The following LEKR1 variants were observed in gnomAD, a reference collection of about 807,000 sequenced individuals.
LEKR1 encodes the protein protein LEKR1.
Under a neutral mutation model 72.4 loss-of-function variants are expected in LEKR1, and 59 were observed. The observed-to-expected ratio is 0.82, with a 90% CI of 0.66 to 1.01. The LOEUF (loss-of-function observed/expected upper bound fraction) is 1.01, where lower values mean the gene tolerates loss of function less well. Among genes scored for constraint, LEKR1 ranks in the 50% least tolerant of loss-of-function variants. LEKR1 has a pLI of 0.00. For synonymous variants in LEKR1, 257 were observed against 263.2 expected, an observed-to-expected ratio of 0.98 and a Z score of 0.23; for missense variants, 728 against 759.2, an observed-to-expected ratio of 0.96 and a Z score of 0.48.
In LEKR1 at chr3:156,990,371, A is replaced by C. The variant is rs1490538733; in HGVS notation, c.828-2282A>C. Among the ~76,000 whole-genome samples the C allele has an allele frequency of 2.6e-5, 4 of 152,180 alleles. No homozygotes were observed. The East Asian group carries it at 7.7e-4, about 29-fold the overall frequency. ...TGTTGCTCAATTTTTCTGCATAATT[A>C]CTGGGGGGTTTGTTCTCTTTCGATT... On this transcript the variant is annotated intron_variant, in intron 7 of 12. Coordinates refer to ENST00000356539, the MANE Select transcript of LEKR1 (RefSeq NM_001004316.3).
intron 3 of LEKR1, among the ~76,000 whole-genome samples, chr3:156,878,212 C>T (rs1396542622): frequency 6.6e-6 from 1 of 151,658 alleles, no homozygotes; most frequent in African/African-American, 2.4e-5. Context: ...TGAGGTGTGA[C>T]CTTAGATTGT....
rs867198898 is a variant in LEKR1, at chr3:157,045,677, G to A, written c.2006G>A (p.Gly669Asp). ...CTCCCCCAGCCACATCCTCCCAGGG[G>A]TGGAGCATCTTCAGCAAATGAGACT... ...PILPQPHPPR[G>D]GASSANETRQ... Residue 669 changes from glycine to aspartate, a missense_variant, in exon 13 of 13, where the codon GGT becomes GAT. Coordinates refer to ENST00000356539, the MANE Select transcript of LEKR1 (RefSeq NM_001004316.3). 4 of 1,613,812 alleles carry A rather than the reference G, an allele frequency of 2.5e-6. No individual in the cohort carries two copies. In the African/African-American group the frequency reaches 4.0e-5, roughly 16 times the overall value.
intron 3 of LEKR1, among the ~76,000 whole-genome samples, chr3:156,862,637 T>C (rs1716898208): frequency 6.6e-6 from 1 of 152,126 alleles, no homozygotes; most frequent in African/African-American, 2.4e-5. Flanking sequence ...AGCATACTGT[T>C]TCTCCCTATA....
chr3:156,940,549 A>G (rs1441026493), intron 5 of LEKR1, among the ~76,000 whole-genome samples: 1 of 152,214 alleles, frequency 6.6e-6, no homozygotes, highest in Non-Finnish European at 1.5e-5. Flanking sequence ...GTATAATGGC[A>G]AGGGTAGAAT....
intron 3 of LEKR1, among the ~76,000 whole-genome samples, chr3:156,882,204 G>A (rs1197068705): frequency 6.6e-6 from 1 of 151,978 alleles, no homozygotes; most frequent in African/African-American, 2.4e-5. Flanking sequence ...TACCATCAGA[G>A]TGAACAGGCA....
At chr3:156,958,814 T>G (rs1727872016) in intron 6 of LEKR1, among the ~76,000 whole-genome samples, 1 of 152,154 alleles carries the variant, frequency 6.6e-6, no homozygotes, top group Non-Finnish European at 1.5e-5. Context: ...TATATACAGG[T>G]ACTTTTAACT....
At chr3:156,829,698 G>A (rs916284718) in intron 2 of LEKR1, among the ~76,000 whole-genome samples, 7 of 152,142 alleles carry the variant, frequency 4.6e-5, no homozygotes, top group Non-Finnish European at 1.0e-4. Flanking sequence ...CCTCTATTAT[G>A]GTTTGACCAA....
At chr3:156,903,094 G>A (rs974405198) in intron 3 of LEKR1, among the ~76,000 whole-genome samples, 1 of 151,920 alleles carries the variant, frequency 6.6e-6, no homozygotes, top group African/African-American at 2.4e-5. Context: ...TCTATATTTA[G>A]ATCTATTTCT....
At position 157,045,580 on chromosome 3, in the gene LEKR1, C is replaced by G; in HGVS notation, c.1909C>G (p.Arg637Gly). 3.7e-6 allele frequency: 6 copies of G among 1,614,144 alleles called. No homozygotes were observed. The highest frequency in any genetic ancestry group is 5.1e-6 in the Non-Finnish European group (6 of 1,180,026). Reference protein sequence around the residue: ...SEKGIQIPNLRGVSKPTTFPT... With the variant: ...SEKGIQIPNLGGVSKPTTFPT... ...AAAAGGAATCCAAATTCCCAACCTGCGCGGGGTGTCAAAACCCACCACTTT... is the reference window on the plus strand; with the variant it reads ...AAAAGGAATCCAAATTCCCAACCTGGGCGGGGTGTCAAAACCCACCACTTT... Residue 637 changes from arginine (R) to glycine (G), a missense_variant, in exon 13 of 13, where the codon CGC becomes GGC. Arg to Gly is a moderately radical substitution (Grantham distance 125). Transcript: ENST00000356539.
At chr3:156,869,033 T>C (rs1017193987) in intron 3 of LEKR1, among the ~76,000 whole-genome samples, 4 of 152,276 alleles carry the variant, frequency 2.6e-5, no homozygotes, top group Non-Finnish European at 5.9e-5. Context: ...GATTTCATTC[T>C]TTTTTATGTC....
intron 5 of LEKR1, among the ~76,000 whole-genome samples, chr3:156,938,307 C>T (rs1725900289): frequency 6.6e-6 from 1 of 152,150 alleles, no homozygotes; most frequent in South Asian, 2.1e-4. Context: ...TAGGAACTCC[C>T]TACACATTTC....
chr3:156,855,125 A>T (rs545402571), intron 3 of LEKR1, among the ~76,000 whole-genome samples: 26 of 152,240 alleles, frequency 1.7e-4, no homozygotes, highest in African/African-American at 6.3e-4. Context: ...ATTTGTATTT[A>T]TGTTCTTGTG....
chr3:156,965,529 A>T (rs2107987013), intron 6 of LEKR1, among the ~76,000 whole-genome samples: 1 of 152,278 alleles, frequency 6.6e-6, no homozygotes, highest in East Asian at 1.9e-4. Context: ...TCTGGTTTTA[A>T]TGTAACTACA....
chr3:157,024,937 G>C lies in LEKR1; in HGVS notation c.1368+13G>C. The C allele has an allele frequency of 6.5e-7, 1 of 1,530,864 alleles. No homozygotes were observed. The highest frequency in any genetic ancestry group is 8.9e-7 in the Non-Finnish European group (1 of 1,119,808). 94.8% of individuals were successfully genotyped at this position (1,530,864 alleles called of 1,614,324 possible). ...ACTACAAATGAAGGTCTGTAATTAT[G>C]ATGTTCATCATTATTTAATAGATTT... is the stretch of plus-strand genomic sequence containing the variant. On this transcript the variant is annotated intron_variant, in intron 11 of 12. Coordinates refer to ENST00000356539, the MANE Select transcript of LEKR1 (RefSeq NM_001004316.3).
chr3:156,848,028 T>TAGGACAC (rs1714844855), intron 2 of LEKR1, among the ~76,000 whole-genome samples: 1 of 152,204 alleles, frequency 6.6e-6, no homozygotes, highest in African/African-American at 2.4e-5. Flanking sequence ...AGAATAAAGA[T>TAGGACAC]AGGACACTTT....
At chr3:156,850,701 C>T (rs1180252231) in intron 2 of LEKR1, among the ~76,000 whole-genome samples, 1 of 152,220 alleles carries the variant, frequency 6.6e-6, no homozygotes, top group African/African-American at 2.4e-5. Flanking sequence ...CTCATACCAG[C>T]TTGGGCTTGG....
At chr3:156,855,692 C>T (rs903436964) in intron 3 of LEKR1, among the ~76,000 whole-genome samples, 4 of 152,012 alleles carry the variant, frequency 2.6e-5, no homozygotes, top group African/African-American at 4.8e-5. Flanking sequence ...ACTTATCTGA[C>T]ACGAACCTAA....
intron 6 of LEKR1, among the ~76,000 whole-genome samples, chr3:156,949,126 C>G (rs1322656078): frequency 6.6e-6 from 1 of 151,032 alleles, no homozygotes; most frequent in Non-Finnish European, 1.5e-5. Context: ...TTTACTCTGT[C>G]GATAGTTTCT....
At chr3:156,864,117 G>A (rs1232329639) in intron 3 of LEKR1, among the ~76,000 whole-genome samples, 2 of 152,050 alleles carry the variant, frequency 1.3e-5, no homozygotes, top group Admixed American at 6.6e-5. Flanking sequence ...CCCATTCTTT[G>A]TGTACTTCTC....
Sources: allele counts gnomAD v4.1 joint callset (sites outside exome capture counted in the v4.1 genomes callset), GRCh38; gene constraint gnomAD v4.1.1; transcripts MANE v1.5; gene names NCBI Gene and HGNC (gene_info 2026-07-23, HGNC 2026-07-21).